The following JAKMIP1 variants were observed in gnomAD, a reference collection of about 807,000 sequenced individuals.
JAKMIP1 encodes janus kinase and microtubule-interacting protein 1.
Under a neutral mutation model 113.0 loss-of-function variants are expected in JAKMIP1, and 33 were observed. The observed-to-expected ratio is 0.29, with a 90% CI of 0.22 to 0.39. The LOEUF is 0.39. Among genes scored for constraint, JAKMIP1 ranks in the 10% least tolerant of loss-of-function variants. The probability of loss-of-function intolerance (pLI) is 1.00; values close to 1 mark genes in which losing one functional copy is unlikely to be tolerated. For missense variants in JAKMIP1, 813 were observed against 1,080.5 expected (o/e 0.75, Z 3.47); for synonymous variants, 480 against 459.9 (o/e 1.04, Z -0.56).
chr4:6,028,546 A>G (rs533863645), intron 20 of JAKMIP1, among the ~76,000 whole-genome samples: 3 of 152,344 alleles, frequency 2.0e-5, no homozygotes, highest in African/African-American at 7.2e-5. Context: ...TTGATTCCCT[A>G]CTGGACTGGA....
At chr4:6,160,038 G>A (rs1375764331) in intron 1 of JAKMIP1, among the ~76,000 whole-genome samples, 2 of 152,086 alleles carry the variant, frequency 1.3e-5, no homozygotes, top group African/African-American at 4.8e-5. Flanking sequence ...TTTCCTTTTG[G>A]GAGTAAGGGA....
chr4:6,122,664 A>T (rs896428285), intron 1 of JAKMIP1, among the ~76,000 whole-genome samples: 2 of 152,144 alleles, frequency 1.3e-5, no homozygotes, highest in Admixed American at 1.3e-4. Context: ...GATGCGGGAG[A>T]CGTCAGTTCA....
At chr4:6,039,909 A>G (rs951241509) in intron 18 of JAKMIP1, among the ~76,000 whole-genome samples, 7 of 152,138 alleles carry the variant, frequency 4.6e-5, no homozygotes, top group African/African-American at 1.4e-4. Flanking sequence ...GTGCAAACCC[A>G]TTTTTGTAAA....
At chr4:6,121,530 G>A (rs745504493) in intron 1 of JAKMIP1, among the ~76,000 whole-genome samples, 1 of 152,200 alleles carries the variant, frequency 6.6e-6, no homozygotes, top group Non-Finnish European at 1.5e-5. Context: ...AAAACTGCAC[G>A]ACTAAATCCC....
chr4:6,090,153 C>T (rs1578202719), intron 3 of JAKMIP1, among the ~76,000 whole-genome samples: 1 of 151,716 alleles, frequency 6.6e-6, no homozygotes, highest in South Asian at 2.1e-4. Context: ...ACCTGGCAGG[C>T]AGAGGTTGCA....
At position 6,168,475 on chromosome 4, in the gene JAKMIP1, G is replaced by T. The variant is rs1723932015; in HGVS notation, c.-148+31778C>A. On this transcript the variant is annotated intron_variant, in intron 1 of 20. Transcript: ENST00000409021. The surrounding 1 kb of genome is among the most constrained non-coding windows in gnomAD (Gnocchi z 4.6). ...ATAGTATTTGGCCATCAGAAGGAAT[G>T]AAGTCTCAACACCTGCTACGACATG... Among the ~76,000 whole-genome samples, 2 of 152,138 alleles carry T rather than the reference G, an allele frequency of 1.3e-5. No homozygotes were observed. Among genetic ancestry groups the T allele is most frequent in the African/African-American group, 4.8e-5 (2 of 41,400 alleles).
chr4:6,145,562 G>A (rs555319068), intron 1 of JAKMIP1, among the ~76,000 whole-genome samples: 1 of 152,224 alleles, frequency 6.6e-6, no homozygotes, highest in African/African-American at 2.4e-5. Context: ...TAAGAGCTGG[G>A]TCTTGAAGAG....
chr4:6,122,166 G>A (rs1716805955), intron 1 of JAKMIP1, among the ~76,000 whole-genome samples: 1 of 152,060 alleles, frequency 6.6e-6, no homozygotes, highest in Non-Finnish European at 1.5e-5. Context: ...TCAAGATAGT[G>A]AAACCCCGTC....
intron 19 of JAKMIP1, among the ~76,000 whole-genome samples, chr4:6,035,050 T>G (rs1713223561): frequency 6.6e-6 from 1 of 152,200 alleles, no homozygotes; most frequent in Non-Finnish European, 1.5e-5. Flanking sequence ...CCCTCCAGAT[T>G]GTGAACTTGC....
intron 16 of JAKMIP1, among the ~76,000 whole-genome samples, chr4:6,046,065 G>T (rs1029951673): frequency 6.6e-6 from 1 of 152,166 alleles, no homozygotes; most frequent in African/African-American, 2.4e-5. Context: ...AGTGCCTGTC[G>T]GCTCTAGGGT....
chr4:6,109,677 A>G (rs1421540857), intron 2 of JAKMIP1, among the ~76,000 whole-genome samples: 1 of 152,124 alleles, frequency 6.6e-6, no homozygotes, highest in Admixed American at 6.5e-5. Flanking sequence ...CATGCATGCC[A>G]GGGGTTTGCA....
At chr4:6,196,243 T>C (rs1394078190) in intron 1 of JAKMIP1, among the ~76,000 whole-genome samples, 3 of 152,200 alleles carry the variant, frequency 2.0e-5, no homozygotes, top group Non-Finnish European at 4.4e-5. Context: ...TTGCATCTAA[T>C]AGTGACTGTG....
At chr4:6,175,458 A>G (rs1408169252) in intron 1 of JAKMIP1, among the ~76,000 whole-genome samples, 1 of 152,198 alleles carries the variant, frequency 6.6e-6, no homozygotes, top group Non-Finnish European at 1.5e-5. Context: ...CACTTTCAAG[A>G]ATTTTGTAGA....
chr4:6,072,045 G>A (rs925305268), intron 8 of JAKMIP1, among the ~76,000 whole-genome samples: 4 of 152,242 alleles, frequency 2.6e-5, no homozygotes, highest in African/African-American at 4.8e-5. Flanking sequence ...TAAGCAGAGA[G>A]CTGCAGAGAA....
At position 6,097,920 on chromosome 4, in the gene JAKMIP1, G is replaced by A. The variant is rs148993666; in HGVS notation, c.624+7553C>T. ...TAGTGAAAGCTCTCTCCGTGGAACC[G>A]GAAAGAATAATTAAAATGCAATGCC... On this transcript the variant is annotated intron_variant, in intron 3 of 20. Transcript: ENST00000409021. The surrounding 1 kb of genome is among the most constrained non-coding windows in gnomAD (Gnocchi z 4.3). 7.2e-4 allele frequency among the ~76,000 whole-genome samples: 109 copies of A among 152,270 alleles called. No individual in the cohort carries two copies. Among genetic ancestry groups the A allele is most frequent in the African/African-American group, 2.3e-3 (95 of 41,560 alleles).
rs983242324 is a variant in JAKMIP1, at chr4:6,168,570, T to C, written c.-148+31683A>G. Among the ~76,000 whole-genome samples the C allele has an allele frequency of 6.6e-6, 1 of 152,132 alleles. No individual in the cohort carries two copies. Among genetic ancestry groups the C allele is most frequent in the Non-Finnish European group, 1.5e-5 (1 of 68,006 alleles). On this transcript the variant is annotated intron_variant, in intron 1 of 20. Transcript: ENST00000409021. This position sits in a 1 kb window ranked among gnomAD's most constrained non-coding sequence, Gnocchi z 4.6. Reference sequence around the variant, plus strand: ...AAAATACCACAGATTGAATATTCCATTTAGATTAAATGTCTAGAATAGGGA... The same window carrying C: ...AAAATACCACAGATTGAATATTCCACTTAGATTAAATGTCTAGAATAGGGA...
At chr4:6,060,761 G>A (rs1041151155) in intron 10 of JAKMIP1, among the ~76,000 whole-genome samples, 1 of 152,244 alleles carries the variant, frequency 6.6e-6, no homozygotes, top group Non-Finnish European at 1.5e-5. Context: ...TACAGGCAAG[G>A]AAAATGAAGC....
intron 9 of JAKMIP1, among the ~76,000 whole-genome samples, chr4:6,063,464 G>T (rs1316483798): frequency 6.6e-6 from 1 of 152,262 alleles, no homozygotes; most frequent in Non-Finnish European, 1.5e-5. Flanking sequence ...GTGCAGGACA[G>T]GCTGATGGAC....
rs1725688729 is a variant in JAKMIP1 at position 6,178,756 on chromosome 4, T to C, written c.-148+21497A>G. Among the ~76,000 whole-genome samples, 1 of 152,198 alleles carries C rather than the reference T, an allele frequency of 6.6e-6. No homozygotes were observed. The highest frequency in any genetic ancestry group is 6.5e-5 in the Admixed American group (1 of 15,278). On this transcript the variant is annotated intron_variant, in intron 1 of 20. Coordinates refer to ENST00000409021, the MANE Select transcript of JAKMIP1 (RefSeq NM_001099433.2). The surrounding 1 kb of genome is among the most constrained non-coding windows in gnomAD (Gnocchi z 5.5). ...TTAGCAATGTGAGGACAGACTAATA[T>C]ACCCTACCAAATTCTCTAGGTCATG...
Sources: gnomAD v4.1 joint callset for allele counts (sites outside exome capture counted in the v4.1 genomes callset) on GRCh38, gnomAD v4.1.1 for gene constraint, Gnocchi (gnomAD v3.1) non-coding constraint, MANE v1.5 for transcripts, NCBI Gene and HGNC (gene_info 2026-07-23, HGNC 2026-07-21) for gene names.